Variants in DENND2B observed in about 807,000 individuals in gnomAD.
DENND2B encodes the protein DENN domain-containing protein 2B.
Under a neutral mutation model 116.0 loss-of-function variants are expected in DENND2B, and 32 were observed. The observed-to-expected ratio is 0.28, with a 90% CI of 0.21 to 0.37. DENND2B has a LOEUF of 0.37. Among genes scored for constraint, DENND2B ranks in the 10% least tolerant of loss-of-function variants. The probability of loss-of-function intolerance (pLI) is 1.00; values close to 1 mark genes in which losing one functional copy is unlikely to be tolerated. For missense variants in DENND2B, 1,276 were observed against 1,477.7 expected, an observed-to-expected ratio of 0.86 and a Z score of 2.24; for synonymous variants, 588 against 583.9, an observed-to-expected ratio of 1.01 and a Z score of -0.10.
At chr11:8,906,489 G>A (rs1454764600) in intron 1 of DENND2B, among the ~76,000 whole-genome samples, 48 of 133,020 alleles carry the variant, frequency 3.6e-4, no homozygotes, top group African/African-American at 1.2e-3. Flanking sequence ...GTGAGCCACC[G>A]CGCCCAGCCA....
chr11:8,894,333 C>T (rs1351656476), intron 1 of DENND2B, among the ~76,000 whole-genome samples: 2 of 152,158 alleles, frequency 1.3e-5, no homozygotes, highest in Non-Finnish European at 2.9e-5. Context: ...AGGACATAGG[C>T]ATAGGCAAGG....
At chr11:8,714,542 G>T in intron 7 of DENND2B, 68 bp downstream of exon 7, 1 of 1,339,196 alleles carries the variant, frequency 7.5e-7, no homozygotes, top group Non-Finnish European at 1.1e-6. Flanking sequence ...CAGGTAAATT[G>T]ATGCCTCTCC....
intron 2 of DENND2B, among the ~76,000 whole-genome samples, chr11:8,750,117 G>C (rs889738490): frequency 6.6e-6 from 1 of 152,112 alleles, no homozygotes; most frequent in African/African-American, 2.4e-5. Flanking sequence ...ACAGGGAAAC[G>C]TTCTGAGAGC....
chr11:8,824,859 TTTTTTTTTTTTGTA>T (rs2061915334), intron 4 of DENND2B, among the ~76,000 whole-genome samples: 1 of 150,184 alleles, frequency 6.7e-6, no homozygotes, highest in African/African-American at 2.4e-5. Context: ...AGCTATTTTT[TTTTTTTTTTTTGTA>T]TTTTTAGTAG....
chr11:8,740,270 G>T (rs1490864805), intron 2 of DENND2B, among the ~76,000 whole-genome samples: 1 of 151,860 alleles, frequency 6.6e-6, no homozygotes, highest in Admixed American at 6.6e-5. Flanking sequence ...GACAGAAAGT[G>T]AGAGTTAAAG....
In DENND2B at chr11:8,726,091, C is replaced by T; in HGVS notation, c.1459G>A (p.Ala487Thr). The T allele has an allele frequency of 6.2e-7, 1 of 1,614,138 alleles. No homozygotes were observed. Among genetic ancestry groups the T allele is most frequent in the African/African-American group, 1.3e-5 (1 of 75,050 alleles). ...TGCTTACCCACAATATCTTCATAGG[C>T]ATTTTCTTCTAAAGTGCTTTTGGAT... ...FGSKSTLEEN[A>T]YEDIVGDLPK... The change falls in exon 4 of 20, where the codon GCC becomes ACC. Residue 487 changes from alanine to threonine, a missense_variant. By Grantham distance (58) the Ala-to-Thr change is moderately conservative (BLOSUM62 0). Around this residue, in one of 2 missense-constraint regions of DENND2B, gnomAD observed 856 missense variants for 846.6 expected, o/e 1.01. Transcript: ENST00000313726.
At chr11:8,736,809 T>C (rs761574570) in intron 2 of DENND2B, among the ~76,000 whole-genome samples, 1 of 151,972 alleles carries the variant, frequency 6.6e-6, no homozygotes, top group Non-Finnish European at 1.5e-5. Flanking sequence ...AGCCACATTA[T>C]GGAAGGCCCC....
chr11:8,888,553 C>G (rs189402500), intron 1 of DENND2B, among the ~76,000 whole-genome samples: 2 of 151,846 alleles, frequency 1.3e-5, no homozygotes, highest in Non-Finnish European at 2.9e-5. Context: ...GCACAGGCAG[C>G]AAAAGAAAAA....
intron 1 of DENND2B, among the ~76,000 whole-genome samples, chr11:8,773,188 G>A (rs1456455532): frequency 6.6e-6 from 1 of 152,054 alleles, no homozygotes; most frequent in Non-Finnish European, 1.5e-5. Context: ...CCCTTAAATG[G>A]AGAATGTGCC....
intron 2 of DENND2B, among the ~76,000 whole-genome samples, chr11:8,878,581 G>A (rs1404449314): frequency 6.6e-6 from 1 of 152,074 alleles, no homozygotes; most frequent in Non-Finnish European, 1.5e-5. Flanking sequence ...TAGAGATGGG[G>A]TTTCACCATG....
At chr11:8,805,406 C>T (rs1018598524) in intron 1 of DENND2B, among the ~76,000 whole-genome samples, 1 of 152,206 alleles carries the variant, frequency 6.6e-6, no homozygotes, top group Non-Finnish European at 1.5e-5. Flanking sequence ...CACCAAAAGT[C>T]AGTTCCTCGA....
At chr11:8,789,358 A>G (rs1025614291) in intron 1 of DENND2B, among the ~76,000 whole-genome samples, 3 of 152,216 alleles carry the variant, frequency 2.0e-5, no homozygotes, top group Non-Finnish European at 4.4e-5. Context: ...TAACAATAAA[A>G]CAACTTACGT....
intron 2 of DENND2B, among the ~76,000 whole-genome samples, chr11:8,863,257 C>CTTTTTT (rs56359289): frequency 8.0e-6 from 1 of 124,522 alleles, no homozygotes; most frequent in Non-Finnish European, 1.7e-5. Context: ...ACGCCACTTT[C>CTTTTTT]TTTTTTTTTT....
intron 7 of DENND2B, 29 bp from the exon 8 acceptor site, chr11:8,714,071 T>C (rs1490037669): frequency 6.2e-7 from 1 of 1,613,268 alleles, no homozygotes; most frequent in Non-Finnish European, 8.5e-7. Flanking sequence ...AGTACATACT[T>C]GCTGGACCTC....
chr11:8,825,060 G>A (rs1263847203), intron 4 of DENND2B, among the ~76,000 whole-genome samples: 1 of 152,084 alleles, frequency 6.6e-6, no homozygotes, highest in Non-Finnish European at 1.5e-5. Flanking sequence ...TTGCTGGGTG[G>A]AATGGTATTT....
chr11:8,707,272 G>A lies in DENND2B; in HGVS notation c.2431-47C>T. ...CAAAGAGGAAGGGTGTCAGGGCACT[G>A]CCCTTCCCCCTCCTGGCAGAGAAGA... On this transcript the variant is annotated intron_variant, in intron 12 of 19. Coordinates refer to ENST00000313726, the MANE Select transcript of DENND2B (RefSeq NM_213618.2). This position sits in a 1 kb window ranked among gnomAD's most constrained non-coding sequence, Gnocchi z 4.8. 1 of 1,578,574 alleles carries A rather than the reference G, an allele frequency of 6.3e-7. No homozygotes were observed. The highest frequency in any genetic ancestry group is 8.6e-7 in the Non-Finnish European group (1 of 1,158,582).
chr11:8,906,699 A>AT (rs1407166163), intron 1 of DENND2B, among the ~76,000 whole-genome samples: 1 of 152,094 alleles, frequency 6.6e-6, no homozygotes, highest in Admixed American at 6.5e-5. Context: ...AGTTTGATTC[A>AT]TTTTCTTTAA....
chr11:8,829,157 G>T (rs2568050), intron 4 of DENND2B, among the ~76,000 whole-genome samples: 139,815 of 151,110 alleles, frequency 0.93, 65,620 homozygotes, highest in East Asian at 1. Flanking sequence ...TGTGTGTGTG[G>T]TGTGTAGTAT....
At chr11:8,822,080 G>A (rs1351103903) in intron 4 of DENND2B, among the ~76,000 whole-genome samples, 1 of 152,164 alleles carries the variant, frequency 6.6e-6, no homozygotes, top group Non-Finnish European at 1.5e-5. Context: ...TTACTGGTAA[G>A]GACACAGGAG....
Sources: allele counts gnomAD v4.1 joint callset (sites outside exome capture counted in the v4.1 genomes callset), GRCh38; gene constraint gnomAD v4.1.1; regional missense constraint gnomAD v4.1.1; non-coding constraint Gnocchi (gnomAD v3.1); transcripts MANE v1.5; gene names NCBI Gene and HGNC (gene_info 2026-07-23, HGNC 2026-07-21).